ROBO2: variants seen among roughly 807,000 people sequenced by gnomAD.
ROBO2 encodes roundabout homolog 2.
In ROBO2, 53 loss-of-function variants were observed where a neutral mutation model predicts 160.8. The ratio of observed to expected loss-of-function variants is 0.33; its 90% CI spans 0.26 to 0.41. The LOEUF is 0.41. Among genes scored for constraint, ROBO2 ranks in the 10% least tolerant of loss-of-function variants. The pLI, the probability that ROBO2 is intolerant of heterozygous loss-of-function variation, is 1.00. For missense variants in ROBO2, 1,577 were observed against 1,722.4 expected (o/e 0.92, Z 1.49); for synonymous variants, 664 against 611.7 (o/e 1.09, Z -1.26).
intron 5 of ROBO2, among the ~76,000 whole-genome samples, chr3:77,494,567 G>A (rs1341158215): frequency 6.6e-6 from 1 of 152,116 alleles, no homozygotes; most frequent in African/African-American, 2.4e-5. Context: ...GACAGAGTGA[G>A]ACTGTCTGAA....
At chr3:77,230,543 T>C (rs547191134) in intron 2 of ROBO2, among the ~76,000 whole-genome samples, 12 of 152,226 alleles carry the variant, frequency 7.9e-5, no homozygotes, top group Non-Finnish European at 1.6e-4. Flanking sequence ...TTTGTTAGAA[T>C]TGGACATATG....
intron 2 of ROBO2, among the ~76,000 whole-genome samples, chr3:76,133,490 A>C (rs1421169083): frequency 2.0e-5 from 3 of 151,970 alleles, no homozygotes; most frequent in Non-Finnish European, 4.4e-5. Flanking sequence ...TACTGGGAGA[A>C]TTGACTCACA....
At chr3:76,395,026 T>A (rs1487585602) in intron 2 of ROBO2, among the ~76,000 whole-genome samples, 1 of 151,902 alleles carries the variant, frequency 6.6e-6, no homozygotes, top group Non-Finnish European at 1.5e-5. Context: ...AATATACATT[T>A]TTTTCAGCAC....
chr3:76,704,799 G>C (rs909745936), intron 2 of ROBO2, among the ~76,000 whole-genome samples: 1 of 151,994 alleles, frequency 6.6e-6, no homozygotes, highest in Non-Finnish European at 1.5e-5. Context: ...AGCTAAGCAG[G>C]GCTCTCTAGA....
intron 2 of ROBO2, among the ~76,000 whole-genome samples, chr3:76,186,673 C>A (rs983911746): frequency 1.3e-5 from 2 of 152,072 alleles, no homozygotes; most frequent in Admixed American, 6.6e-5. Flanking sequence ...ATACCATCTG[C>A]AATAATAAAA....
At chr3:76,357,355 A>G (rs2075235742) in intron 2 of ROBO2, among the ~76,000 whole-genome samples, 1 of 151,930 alleles carries the variant, frequency 6.6e-6, no homozygotes, top group Non-Finnish European at 1.5e-5. Context: ...ATCAAATACT[A>G]CTCAGCAATA....
chr3:76,657,334 A>G (rs2091581833), intron 2 of ROBO2, among the ~76,000 whole-genome samples: 1 of 152,022 alleles, frequency 6.6e-6, no homozygotes, highest in African/African-American at 2.4e-5. Flanking sequence ...CTGAGGCAGG[A>G]GAATGGCGTG....
At chr3:77,227,690 G>A (rs2086651569) in intron 2 of ROBO2, among the ~76,000 whole-genome samples, 1 of 152,224 alleles carries the variant, frequency 6.6e-6, no homozygotes, top group African/African-American at 2.4e-5. Context: ...TGATGGGTTT[G>A]ACTGACAGGT....
At chr3:77,111,904 T>C (rs964348596) in intron 2 of ROBO2, among the ~76,000 whole-genome samples, 1 of 152,078 alleles carries the variant, frequency 6.6e-6, no homozygotes, top group African/African-American at 2.4e-5. Context: ...CCATTACAAC[T>C]GAAATGTCAC....
intron 2 of ROBO2, among the ~76,000 whole-genome samples, chr3:76,330,236 C>A (rs1480056482): frequency 1.3e-5 from 2 of 152,098 alleles, no homozygotes; most frequent in Non-Finnish European, 2.9e-5. Context: ...GAGATACACC[C>A]AATTAATTGC....
intron 2 of ROBO2, among the ~76,000 whole-genome samples, chr3:77,185,920 G>A (rs116669013): frequency 0.075 from 11,398 of 151,936 alleles, 486 homozygotes; most frequent in African/African-American, 0.11. Context: ...AAGTGAAGTA[G>A]CTCAGGAGCG....
At chr3:77,021,382 G>T (rs2062626480) in intron 2 of ROBO2, among the ~76,000 whole-genome samples, 1 of 152,010 alleles carries the variant, frequency 6.6e-6, no homozygotes, top group South Asian at 2.1e-4. Flanking sequence ...TAGAATTCCT[G>T]TTCCAAAGTC....
chr3:76,153,207 A>G (rs1223052505), intron 2 of ROBO2, among the ~76,000 whole-genome samples: 1 of 152,182 alleles, frequency 6.6e-6, no homozygotes, highest in Non-Finnish European at 1.5e-5. Context: ...ATTTGAGGAA[A>G]CATTTTTCTT....
chr3:76,056,735 A>G (rs1052178187), intron 2 of ROBO2, among the ~76,000 whole-genome samples: 1 of 152,180 alleles, frequency 6.6e-6, no homozygotes, highest in Non-Finnish European at 1.5e-5. Context: ...GGAGGTACAA[A>G]TCTTAAACAT....
At chr3:77,588,600 G>A in intron 16 of ROBO2, 151 bp from the exon 18 acceptor site, 1 of 701,234 alleles carries the variant, frequency 1.4e-6, no homozygotes, top group Non-Finnish European at 2.4e-6. Context: ...TGAAAATTAT[G>A]GGCTATGCTT....
intron 2 of ROBO2, among the ~76,000 whole-genome samples, chr3:76,396,225 A>G (rs769875268): frequency 2.6e-5 from 4 of 152,214 alleles, no homozygotes; most frequent in African/African-American, 7.2e-5. Context: ...CAAAAACCAC[A>G]TGATTATCTC....
At chr3:76,206,621 G>A (rs1264949249) in intron 2 of ROBO2, among the ~76,000 whole-genome samples, 1 of 152,104 alleles carries the variant, frequency 6.6e-6, no homozygotes, top group Non-Finnish European at 1.5e-5. Context: ...GAAAAGTTCC[G>A]AGAGCCCCCT....
intron 2 of ROBO2, among the ~76,000 whole-genome samples, chr3:76,077,479 C>A (rs531044099): frequency 6.6e-6 from 1 of 152,230 alleles, no homozygotes; most frequent in East Asian, 1.9e-4. Context: ...AGGAGAATTG[C>A]TTGAACTCTG....
chr3:76,207,121 A>G (rs529774246), intron 2 of ROBO2, among the ~76,000 whole-genome samples: 103 of 152,314 alleles, frequency 6.8e-4, no homozygotes, highest in African/African-American at 2.3e-3. Context: ...TATATTAGAC[A>G]AGGCTTTAAA....
Sources: allele counts gnomAD v4.1 joint callset (sites outside exome capture counted in the v4.1 genomes callset), GRCh38; gene constraint gnomAD v4.1.1; transcripts MANE v1.5; gene names NCBI Gene and HGNC (gene_info 2026-07-23, HGNC 2026-07-21).